ETV6: variants seen among roughly 807,000 people sequenced by gnomAD.
The protein encoded by ETV6 is ETS variant transcription factor 6, also known as transcription factor ETV6.
A neutral mutation model predicts 51.1 loss-of-function variants in ETV6; 16 were observed. The ratio of observed to expected loss-of-function variants is 0.31; its 90% CI spans 0.21 to 0.48. The LOEUF is 0.48. Ranked by LOEUF, ETV6 falls within the 20% of genes least tolerant of loss-of-function variation. The pLI is 0.99. For synonymous variants in ETV6, 240 were observed against 224.1 expected (o/e 1.07, Z -0.64); for missense variants, 458 against 594.8 (o/e 0.77, Z 2.39).
At chr12:11,652,234 C>A (rs1042212730) in intron 1 of ETV6, among the ~76,000 whole-genome samples, 2 of 152,242 alleles carry the variant, frequency 1.3e-5, no homozygotes, top group Non-Finnish European at 2.9e-5. Flanking sequence ...TATGTATTTG[C>A]TTAGACTGCA....
At chr12:11,691,294 G>A (rs1445472238) in intron 1 of ETV6, among the ~76,000 whole-genome samples, 4 of 152,182 alleles carry the variant, frequency 2.6e-5, no homozygotes, top group Non-Finnish European at 5.9e-5. Flanking sequence ...AACCTTGTCT[G>A]TAGCAGTGAC....
intron 2 of ETV6, among the ~76,000 whole-genome samples, chr12:11,808,456 A>C (rs528274538): frequency 5.3e-5 from 8 of 151,342 alleles, no homozygotes; most frequent in South Asian, 4.2e-4. Flanking sequence ...AAAAAAAAAA[A>C]CCCACAAATG....
rs145348179 is a variant in ETV6 at position 11,745,182 on chromosome 12, A to G, written c.34-7268A>G. Among the ~76,000 whole-genome samples the G allele has an allele frequency of 1.7e-4, 26 of 152,276 alleles. No homozygotes were observed. The East Asian group carries it at 4.8e-3, about 28-fold the overall frequency. The stretch of plus-strand genomic sequence containing the variant: ...TTGGAGCTGTTCTACCCACACTGTA[A>G]TTTATAAGCTCTAACTTACCAGGGG... On this transcript the variant is annotated intron_variant, in intron 1 of 7. Coordinates refer to ENST00000396373, the MANE Select transcript of ETV6 (RefSeq NM_001987.5).
chr12:11,750,219 C>T (rs1865995196), intron 1 of ETV6, among the ~76,000 whole-genome samples: 1 of 152,174 alleles, frequency 6.6e-6, no homozygotes, highest in Non-Finnish European at 1.5e-5. Flanking sequence ...TTAAAGAGAG[C>T]ACAGTTGAAA....
intron 5 of ETV6, 112 bp from the exon 6 acceptor site, chr12:11,884,333 C>A: frequency 1.7e-6 from 2 of 1,171,064 alleles, no homozygotes; most frequent in Non-Finnish European, 2.5e-6. Context: ...GTTAGACAAT[C>A]AGTCAACCCA....
At chr12:11,707,499 G>A (rs1865094265) in intron 1 of ETV6, among the ~76,000 whole-genome samples, 1 of 152,212 alleles carries the variant, frequency 6.6e-6, no homozygotes, top group African/African-American at 2.4e-5. Flanking sequence ...GCAGGCTGGT[G>A]TTGAGAATTC....
rs930444061 is a variant in ETV6 at position 11,775,294 on chromosome 12, A to G, written c.163+22715A>G. ...ACCAGGGAAGCTGATGTTGTATTGC[A>G]GCCTCCCTCACACAGATTCTAATCC... On this transcript the variant is annotated intron_variant, in intron 2 of 7. Coordinates refer to ENST00000396373, the MANE Select transcript of ETV6 (RefSeq NM_001987.5). 6.6e-5 allele frequency among the ~76,000 whole-genome samples: 10 copies of G among 152,374 alleles called. No individual in the cohort carries two copies. In the East Asian group the frequency reaches 1.9e-3, roughly 29 times the overall value.
In ETV6 at chr12:11,892,330, G is replaced by A. The variant is rs1062298; in HGVS notation, c.*1284G>A. 8.7e-6 allele frequency: 2 copies of A among 230,506 alleles called. No homozygotes were observed. Among genetic ancestry groups the A allele is most frequent in the Admixed American group, 1.1e-4 (2 of 17,618 alleles). 14.3% of individuals were successfully genotyped at this position (230,506 alleles called of 1,614,324 possible). A position where few individuals can be genotyped will look rare whatever the true frequency, so the allele number is the denominator to read the frequency against. ...GGGCAGTCTCAGTTGCAATCAGTGTGTGCCCAGCCTGGGCAGACAGGAAAT... is the reference window on the plus strand; with the variant it reads ...GGGCAGTCTCAGTTGCAATCAGTGTATGCCCAGCCTGGGCAGACAGGAAAT... On this transcript the variant is annotated 3_prime_UTR_variant, in exon 8 of 8. Transcript: ENST00000396373.
chr12:11,668,412 T>TA (rs775685836), intron 1 of ETV6, among the ~76,000 whole-genome samples: 1 of 151,714 alleles, frequency 6.6e-6, no homozygotes, highest in African/African-American at 2.4e-5. Context: ...TTTTTTTTTT[T>TA]AAATTGATGT....
chr12:11,889,284 A>C (rs1056364822), intron 7 of ETV6, among the ~76,000 whole-genome samples: 4 of 152,354 alleles, frequency 2.6e-5, no homozygotes, highest in Admixed American at 2.0e-4. Flanking sequence ...GAAAAGCAGT[A>C]GTAGCCAGAA....
At chr12:11,663,873 A>T (rs1186792267) in intron 1 of ETV6, among the ~76,000 whole-genome samples, 1 of 152,184 alleles carries the variant, frequency 6.6e-6, no homozygotes, top group Non-Finnish European at 1.5e-5. Flanking sequence ...CAAACTGGGC[A>T]ATAGTTTTCT....
In ETV6 at chr12:11,892,790, C is replaced by T. The variant is rs988202717; in HGVS notation, c.*1744C>T. The T allele has an allele frequency of 4.3e-6, 1 of 232,828 alleles. No homozygotes were observed. The highest frequency in any genetic ancestry group is 8.5e-6 in the Non-Finnish European group (1 of 117,880). 14.4% of individuals were successfully genotyped at this position (232,828 alleles called of 1,614,324 possible). On this transcript the variant is annotated 3_prime_UTR_variant, in exon 8 of 8. Transcript: ENST00000396373. ...TCAGACATGTAGAGTTTGGGTCACACAGGCAAGAGGAATTTTCCCTCGGCC... is the reference window on the plus strand; with the variant it reads ...TCAGACATGTAGAGTTTGGGTCACATAGGCAAGAGGAATTTTCCCTCGGCC...
chr12:11,770,901 T>TAAA (rs3837435), intron 2 of ETV6, among the ~76,000 whole-genome samples: 1 of 146,774 alleles, frequency 6.8e-6, no homozygotes, highest in South Asian at 2.1e-4. Context: ...CCCCATCTCT[T>TAAA]AAAAAAAAAA....
intron 1 of ETV6, among the ~76,000 whole-genome samples, chr12:11,652,944 G>T (rs1035808639): frequency 6.6e-6 from 1 of 152,022 alleles, no homozygotes. Flanking sequence ...CACTTTTTAC[G>T]GTAGAAGAGA....
intron 1 of ETV6, among the ~76,000 whole-genome samples, chr12:11,656,449 G>A (rs1350678516): frequency 6.6e-6 from 1 of 152,208 alleles, no homozygotes; most frequent in Non-Finnish European, 1.5e-5. Flanking sequence ...TGCTTGCAGA[G>A]GTTCTGAATT....
Position 11,894,376 on chromosome 12 carries a change from G to A in ETV6, c.*3330G>A. 8.6e-6 allele frequency: 2 copies of A among 233,008 alleles called. No individual in the cohort carries two copies. The highest frequency in any genetic ancestry group is 8.5e-6 in the Non-Finnish European group (1 of 117,958). The allele number at this position is 233,008 out of a possible 1,614,324, so 14.4% of individuals were successfully genotyped here. A position where few individuals can be genotyped will look rare whatever the true frequency, so the allele number is the denominator to read the frequency against. ...TCCTCTCTATCAGAAGAAAGCACTG[G>A]TAATTGGCTAGACTGGCTATGTTGA... On this transcript the variant is annotated 3_prime_UTR_variant, in exon 8 of 8. Coordinates refer to ENST00000396373, the MANE Select transcript of ETV6 (RefSeq NM_001987.5).
intron 4 of ETV6, among the ~76,000 whole-genome samples, chr12:11,854,903 T>C (rs1284792771): frequency 6.6e-6 from 1 of 152,174 alleles, no homozygotes; most frequent in African/African-American, 2.4e-5. Flanking sequence ...GTCCCAGTTG[T>C]TCCTCTTAAT....
chr12:11,651,528 T>A (rs937120987), intron 1 of ETV6, among the ~76,000 whole-genome samples: 1 of 152,222 alleles, frequency 6.6e-6, no homozygotes, highest in Non-Finnish European at 1.5e-5. Context: ...AATGGAACTT[T>A]TAGGCTTTTG....
intron 1 of ETV6, among the ~76,000 whole-genome samples, chr12:11,664,269 CTT>C (rs1300593225): frequency 6.6e-6 from 1 of 152,208 alleles, no homozygotes; most frequent in African/African-American, 2.4e-5. Flanking sequence ...ACAGGTGTCT[CTT>C]ATAATCCTCT....
Sources: gnomAD v4.1 joint callset for allele counts (sites outside exome capture counted in the v4.1 genomes callset) on GRCh38, gnomAD v4.1.1 for gene constraint, MANE v1.5 for transcripts, NCBI Gene and HGNC (gene_info 2026-07-23, HGNC 2026-07-21) for gene names.